LRRN4: variants seen among roughly 807,000 people sequenced by gnomAD.
The protein encoded by LRRN4 is leucine rich repeat neuronal 4.
In LRRN4, 26 loss-of-function variants were observed where a neutral mutation model predicts 22.3. The observed-to-expected ratio is 1.16, with a 90% CI of 0.85 to 1.62. The LOEUF (loss-of-function observed/expected upper bound fraction) is 1.62, where lower values mean the gene tolerates loss of function less well. Among genes scored for constraint, LRRN4 ranks in the 40% most tolerant of loss-of-function variants. LRRN4 has a pLI of 0.00. For missense variants in LRRN4, 1,070 were observed against 1,008.5 expected, an observed-to-expected ratio of 1.06 and a Z score of -0.83; for synonymous variants, 496 against 486.2, an observed-to-expected ratio of 1.02 and a Z score of -0.26.
At chr20:6,049,561 C>T (rs6085367) in intron 3 of LRRN4, among the ~76,000 whole-genome samples, 50,352 of 151,962 alleles carry the variant, frequency 0.33, 9,771 homozygotes, top group East Asian at 0.5. Context: ...AGTACAATGG[C>T]GCAATCTCAG....
At chr20:6,042,350 A>G in intron 4 of LRRN4, 104 bp from the exon 5 acceptor site, 1 of 1,357,998 alleles carries the variant, frequency 7.4e-7, no homozygotes, top group Non-Finnish European at 9.8e-7. Flanking sequence ...AAGCCCATCA[A>G]CGCGTCTCTG....
At chr20:6,047,102 A>G (rs1385254006) in intron 3 of LRRN4, among the ~76,000 whole-genome samples, 1 of 152,144 alleles carries the variant, frequency 6.6e-6, no homozygotes, top group Non-Finnish European at 1.5e-5. Flanking sequence ...GGGAAAAGGT[A>G]CAATTCGCTT....
In LRRN4 at chr20:6,041,171, C is replaced by T. The variant is rs1805886096; in HGVS notation, c.2074G>A (p.Gly692Ser). The T allele has an allele frequency of 6.3e-7, 1 of 1,598,864 alleles. No individual in the cohort carries two copies. Among genetic ancestry groups the T allele is most frequent in the African/African-American group, 1.3e-5 (1 of 74,586 alleles). Residue 692 changes from glycine to serine, a missense_variant, in exon 5 of 5, where the codon GGC (glycine) becomes AGC (serine). Physicochemically the swap from Gly to Ser is moderately conservative, Grantham distance 56 (BLOSUM62 0). Transcript: ENST00000378858. The surrounding 1 kb of genome is among the most constrained non-coding windows in gnomAD (Gnocchi z 9.4). ...ACCACGGTGCTGGCGAGCAACAGGC[C>T]GCTGGCGGCGCACAGCCCAGAGAGC... is the stretch of plus-strand genomic sequence containing the variant. ...LLLSGLCAAS[G>S]LLLASTVVLS...
At chr20:6,042,778 G>A (rs1205029596) in intron 4 of LRRN4, among the ~76,000 whole-genome samples, 3 of 152,018 alleles carry the variant, frequency 2.0e-5, no homozygotes, top group Non-Finnish European at 4.4e-5. Flanking sequence ...AATTAGCCGG[G>A]CATGGTGGCG....
rs766039735 is a variant in LRRN4, at chr20:6,052,403, G to A, written c.397C>T (p.Gln133Ter). The change falls in exon 2 of 5, where the codon CAG (glutamine) becomes TAG (stop). Residue 133 changes from glutamine to a stop codon, truncating the protein, a stop_gained. Transcript: ENST00000378858. LOFTEE classifies it high-confidence loss of function. ...GTGCACGGCGGCAGAGCGGCCAGCT[G>A]GTTGTAGCTGAGGTCCAGGGTGTGC... is the stretch of plus-strand genomic sequence containing the variant. ...GLHTLDLSYN[Q>*]LAALPPCTGP... 76 of 1,534,622 alleles carry A rather than the reference G, an allele frequency of 5.0e-5. No individual in the cohort carries two copies. Among genetic ancestry groups the A allele is most frequent in the Admixed American group, 7.9e-5 (4 of 50,866 alleles).
rs750086422 is a variant in LRRN4 at position 6,052,173 on chromosome 20, C to T, written c.627G>A (p.Leu209=). ...GTTCAAGGAACGTGCCGCTGAGATC[C>T]AGGACTTCGAGCGTGACCAGGGGCG... The part of the protein sequence containing the change: ...DGAPLVTLEV[L]DLSGTFLERV... Residue 209 remains leucine (L), a synonymous_variant, in exon 2 of 5, where the codon CTG becomes CTA. Coordinates refer to ENST00000378858, the MANE Select transcript of LRRN4 (RefSeq NM_152611.5). 4.4e-6 allele frequency: 7 copies of T among 1,599,586 alleles called. No individual in the cohort carries two copies. The highest frequency in any genetic ancestry group is 8.5e-7 in the Non-Finnish European group (1 of 1,174,110).
rs1472602050 is a variant in LRRN4 at position 6,041,422 on chromosome 20, T to C, written c.1823A>G (p.His608Arg). 3.2e-6 allele frequency: 5 copies of C among 1,558,430 alleles called. No homozygotes were observed. The African/African-American group carries it at 4.1e-5, about 13-fold the overall frequency. ...VHWCAPNSVVHGYQIRYSAEG... is the reference protein window; with the variant it reads ...VHWCAPNSVVRGYQIRYSAEG... ...CGCAGAGTAGCGGATCTGGTACCCA[T>C]GCACTACCGAGTTGGGGGCACACCA... is the stretch of plus-strand genomic sequence containing the variant. The change falls in exon 5 of 5, where the codon CAT (histidine) becomes CGT (arginine). Residue 608 changes from histidine (H) to arginine (R), a missense_variant. Coordinates refer to ENST00000378858, the MANE Select transcript of LRRN4 (RefSeq NM_152611.5). The surrounding 1 kb of genome is among the most constrained non-coding windows in gnomAD (Gnocchi z 9.4).
chr20:6,050,639 G>A, intron 3 of LRRN4, 140 bp downstream of exon 3: 3 of 865,184 alleles, frequency 3.5e-6, no homozygotes, highest in Non-Finnish European at 3.8e-6. Context: ...CACCCAAAGG[G>A]TGGGGGAAAA....
chr20:6,052,745 C>G lies in LRRN4; in HGVS notation c.55G>C (p.Asp19His). The G allele has an allele frequency of 1.9e-6, 3 of 1,572,826 alleles. No individual in the cohort carries two copies. Among genetic ancestry groups the G allele is most frequent in the Non-Finnish European group, 2.6e-6 (3 of 1,167,054 alleles). The change falls in exon 2 of 5, where the codon GAC (aspartate) becomes CAC (histidine). Residue 19 changes from aspartate (D) to histidine (H), a missense_variant. By Grantham distance (81) the Asp-to-His change is moderately conservative. Coordinates refer to ENST00000378858, the MANE Select transcript of LRRN4 (RefSeq NM_152611.5). ...LLTVLRPSWA[D>H]PPQEKVPLFR... ...AGCGGGACCTTCTCCTGGGGAGGGT[C>G]TGCCCAGCTGGGGCGCAGCACCGTC...
At position 6,041,315 on chromosome 20, in the gene LRRN4, C is replaced by T. The variant is rs534543626; in HGVS notation, c.1930G>A (p.Gly644Ser). 1.9e-6 allele frequency: 3 copies of T among 1,596,640 alleles called. No individual in the cohort carries two copies. In the East Asian group the frequency reaches 6.7e-5, roughly 36 times the overall value. Reference sequence around the variant, plus strand: ...AGCACGCACACGCGGTAGGTGGTGCCCGGCGACAGCCCGTACAGAGGGTGC... The same window carrying T: ...AGCACGCACACGCGGTAGGTGGTGCTCGGCGACAGCCCGTACAGAGGGTGC... ...RQHPLYGLSP[G>S]TTYRVCVLAA... is the part of the protein sequence containing the mutation. The change falls in exon 5 of 5, where the codon GGC (glycine) becomes AGC (serine). Residue 644 changes from glycine to serine, a missense_variant. Transcript: ENST00000378858. This position sits in a 1 kb window ranked among gnomAD's most constrained non-coding sequence, Gnocchi z 9.4.
At chr20:6,042,974 G>A (rs1156319015) in intron 4 of LRRN4, among the ~76,000 whole-genome samples, 1 of 150,994 alleles carries the variant, frequency 6.6e-6, no homozygotes, top group Admixed American at 6.6e-5. Flanking sequence ...TGCTTCCCAC[G>A]TGCTAGGCGC....
Position 6,041,482 on chromosome 20 carries a change from AC to A in LRRN4, c.1762del (p.Val588Ter). On this transcript the variant is annotated frameshift_variant, in exon 5 of 5. Coordinates refer to ENST00000378858, the MANE Select transcript of LRRN4 (RefSeq NM_152611.5). LOFTEE classifies it low-confidence loss of function (END_TRUNC). The surrounding 1 kb of genome is among the most constrained non-coding windows in gnomAD (Gnocchi z 9.4). ...TIPDPPRLQG[V>X]TETTDTSALV... is the part of the protein sequence containing the mutation. ...CGCCGACGTGTCCGTGGTCTCCGTCACCCCCTGCAGCCTGGGCGGGTCTGGG... is the reference window on the plus strand; with the variant it reads ...CGCCGACGTGTCCGTGGTCTCCGTCACCCCTGCAGCCTGGGCGGGTCTGGG... The A allele has an allele frequency of 6.4e-7, 1 of 1,557,134 alleles. No homozygotes were observed. The highest frequency in any genetic ancestry group is 8.7e-7 in the Non-Finnish European group (1 of 1,150,850).
chr20:6,044,995 G>A (rs1457682231), intron 3 of LRRN4, among the ~76,000 whole-genome samples: 8 of 152,118 alleles, frequency 5.3e-5, no homozygotes, highest in Non-Finnish European at 1.2e-4. Flanking sequence ...TTTTGTGTGT[G>A]TGTGGAAAGG....
chr20:6,040,750 G>T lies in LRRN4; in HGVS notation c.*272C>A. The T allele has an allele frequency of 4.0e-6, 2 of 501,340 alleles. No homozygotes were observed. Among genetic ancestry groups the T allele is most frequent in the South Asian group, 4.6e-5 (2 of 43,664 alleles). 31.1% of individuals were successfully genotyped at this position (501,340 alleles called of 1,614,324 possible). Reference sequence around the variant, plus strand: ...GCACTGACTGCTGAAAACCGCAAATGAACCAACAACACACAAGAAGGCCTG... The same window carrying T: ...GCACTGACTGCTGAAAACCGCAAATTAACCAACAACACACAAGAAGGCCTG... On this transcript the variant is annotated 3_prime_UTR_variant, in exon 5 of 5. Transcript: ENST00000378858.
intron 4 of LRRN4, among the ~76,000 whole-genome samples, chr20:6,043,446 G>A (rs911391034): frequency 6.6e-6 from 1 of 151,872 alleles, no homozygotes; most frequent in African/African-American, 2.4e-5. Context: ...TAGTAAGTAG[G>A]ATGAAGCTGG....
intron 4 of LRRN4, among the ~76,000 whole-genome samples, chr20:6,044,320 G>A (rs1401699795): frequency 6.6e-6 from 1 of 152,206 alleles, no homozygotes; most frequent in Admixed American, 6.5e-5. Context: ...CTCACCAAAA[G>A]CCTCCAGGTC....
Position 6,052,645 on chromosome 20 carries a change from G to T in LRRN4, c.155C>A (p.Pro52His). Residue 52 changes from proline (P) to histidine (H), a missense_variant, in exon 2 of 5, where the codon CCC (proline) becomes CAC (histidine). Pro to His is a moderately conservative substitution (Grantham distance 77). Transcript: ENST00000378858. ...GGTCAAGGCCGTCGCATCCGCGGCGGGCAGCCCCTCGCAGGGCGAGTCGGT... is the reference window on the plus strand; with the variant it reads ...GGTCAAGGCCGTCGCATCCGCGGCGTGCAGCCCCTCGCAGGGCGAGTCGGT... The part of the protein sequence containing the change: ...NATDSPCEGL[P>H]AADATALTLA... 6.3e-7 allele frequency: 1 copy of T among 1,585,200 alleles called. No individual in the cohort carries two copies. The highest frequency in any genetic ancestry group is 2.3e-5 in the East Asian group (1 of 44,134).
In LRRN4 at chr20:6,040,997, G is replaced by A. The variant is rs781519437; in HGVS notation, c.*25C>T. On this transcript the variant is annotated 3_prime_UTR_variant, in exon 5 of 5. Transcript: ENST00000378858. ...TTTTTGCGCTCAGATCCAGTTCGAT[G>A]AGACGCGTTATCCCAGAAGCTGGGC... is the stretch of plus-strand genomic sequence containing the variant. 1 of 1,610,212 alleles carries A rather than the reference G, an allele frequency of 6.2e-7. No individual in the cohort carries two copies. Among genetic ancestry groups the A allele is most frequent in the East Asian group, 2.2e-5 (1 of 44,710 alleles).
In LRRN4 at chr20:6,041,605, CAG is replaced by C. The variant is rs1491344910; in HGVS notation, c.1638_1639del (p.Cys547Ter). On this transcript the variant is annotated frameshift_variant, in exon 5 of 5. Coordinates refer to ENST00000378858, the MANE Select transcript of LRRN4 (RefSeq NM_152611.5). LOFTEE classifies it low-confidence loss of function (END_TRUNC). This position sits in a 1 kb window ranked among gnomAD's most constrained non-coding sequence, Gnocchi z 9.4. ...CAGGTGCTTGCAGGGATGGTAATCA[CAG>C]GGGACGTCCTGGTGAGGCGTTCCCA... The C allele has an allele frequency of 1.3e-6, 2 of 1,575,430 alleles. No homozygotes were observed. The highest frequency in any genetic ancestry group is 1.7e-5 in the Admixed American group (1 of 57,418).
Sources: gnomAD v4.1 joint callset for allele counts (sites outside exome capture counted in the v4.1 genomes callset) on GRCh38, gnomAD v4.1.1 for gene constraint, Gnocchi (gnomAD v3.1) non-coding constraint, MANE v1.5 for transcripts, NCBI Gene and HGNC (gene_info 2026-07-23, HGNC 2026-07-21) for gene names.